The following KLRC1 variants were observed in gnomAD, a reference collection of about 807,000 sequenced individuals.
KLRC1 encodes NKG2-A/NKG2-B type II integral membrane protein.
A neutral mutation model predicts 25.9 loss-of-function variants in KLRC1; 22 were observed. That is an observed-to-expected ratio of 0.85 (90% CI 0.61 to 1.21). The LOEUF is 1.21. Ranked by LOEUF, KLRC1 falls within the 50% of genes most tolerant of loss-of-function variation. KLRC1 has a pLI of 0.00. For missense variants in KLRC1, 240 were observed against 272.2 expected (o/e 0.88, Z 0.83); for synonymous variants, 77 against 93.1 (o/e 0.83, Z 0.99).
In KLRC1 at chr12:10,446,365, C is replaced by T; in HGVS notation, c.*186G>A. 19 of 1,361,888 alleles carry T rather than the reference C, an allele frequency of 1.4e-5. No homozygotes were observed. Among genetic ancestry groups the T allele is most frequent in the Non-Finnish European group, 1.8e-5 (19 of 1,052,310 alleles). The allele number at this position is 1,361,888 out of a possible 1,614,324, so 84.4% of individuals were successfully genotyped here. On this transcript the variant is annotated 3_prime_UTR_variant, in exon 7 of 7. Coordinates refer to ENST00000359151, the MANE Select transcript of KLRC1 (RefSeq NM_002259.5). Reference sequence around the variant, plus strand: ...CAAATACCATGTTGAGCAAAATGAGCCCGACACAAATGCTAGGATGTCTGT... The same window carrying T: ...CAAATACCATGTTGAGCAAAATGAGTCCGACACAAATGCTAGGATGTCTGT...
rs1450350998 is a variant in KLRC1, at chr12:10,447,643, A to C, written c.490-11T>G. ...GATGGACAGAAATTTCTAAAAGAAA[A>C]GAAAGAATTTTCACTTAAATAATAA... On this transcript the variant is annotated splice_polypyrimidine_tract_variant and intron_variant, in intron 5 of 6. Transcript: ENST00000359151. The C allele has an allele frequency of 1.3e-6, 2 of 1,575,826 alleles. No individual in the cohort carries two copies. The highest frequency in any genetic ancestry group is 1.8e-5 in the Admixed American group (1 of 56,234).
At chr12:10,449,153 A>T (rs1164468469) in intron 5 of KLRC1, 84 bp downstream of exon 5, 1 of 1,542,496 alleles carries the variant, frequency 6.5e-7, no homozygotes, top group Non-Finnish European at 8.9e-7. Context: ...AAATGTATAT[A>T]CCCACACATA....
At chr12:10,448,130 G>A (rs1237623371) in intron 5 of KLRC1, among the ~76,000 whole-genome samples, 2 of 148,320 alleles carry the variant, frequency 1.3e-5, no homozygotes, top group South Asian at 2.2e-4. Context: ...GTGTAGACTC[G>A]TCTCTCTCTG....
downstream of KLRC1, among the ~76,000 whole-genome samples, chr12:10,445,221 A>G (rs1863961709): frequency 6.6e-6 from 1 of 152,056 alleles, no homozygotes; most frequent in African/African-American, 2.4e-5. Flanking sequence ...CCCGGCCAGC[A>G]CTGATATTTT....
In KLRC1 at chr12:10,453,166, C is replaced by T. The variant is rs1164208269; in HGVS notation, c.-32+32G>A. 3.2e-6 allele frequency: 3 copies of T among 943,396 alleles called. No homozygotes were observed. In the East Asian group the frequency reaches 3.5e-4, roughly 110 times the overall value. The allele number at this position is 943,396 out of a possible 1,614,324, so 58.4% of individuals were successfully genotyped here. ...GAAATCACCCACTAAATGAGGTAGG[C>T]TAGTAGAGAGTTGGAGAGTAGCAAT... On this transcript the variant is annotated intron_variant, in intron 1 of 6. Coordinates refer to ENST00000359151, the MANE Select transcript of KLRC1 (RefSeq NM_002259.5).
chr12:10,443,373 G>A (rs1374720801), downstream of KLRC1, among the ~76,000 whole-genome samples: 2 of 140,080 alleles, frequency 1.4e-5, 1 homozygote, highest in East Asian at 4.2e-4. Flanking sequence ...TCACAAACTG[G>A]TAGAACACTA....
chr12:10,442,415 A>C (rs1193047106), downstream of KLRC1: 1 of 252,670 alleles, frequency 4.0e-6, no homozygotes, highest in African/African-American at 3.7e-5. Flanking sequence ...TATAATTAAT[A>C]CCTGTGCTTA....
rs547550954 is a variant in KLRC1, at chr12:10,450,834, A to G, written c.187+136T>C. 135 of 714,566 alleles carry G rather than the reference A, an allele frequency of 1.9e-4. 1 individual carries two copies. In the African/African-American group the frequency reaches 2.3e-3, roughly 12 times the overall value. 44.3% of individuals were successfully genotyped at this position (714,566 alleles called of 1,614,324 possible). On this transcript the variant is annotated intron_variant, in intron 2 of 6. Transcript: ENST00000359151. Reference sequence around the variant, plus strand: ...AATCAGTCTTCATACTTTACATTGAAATAGCATATCTCAACTTGGAATTCT... The same window carrying G: ...AATCAGTCTTCATACTTTACATTGAGATAGCATATCTCAACTTGGAATTCT...
chr12:10,447,909 T>C (rs1344415166), intron 5 of KLRC1, among the ~76,000 whole-genome samples: 1 of 152,212 alleles, frequency 6.6e-6, no homozygotes, highest in Non-Finnish European at 1.5e-5. Flanking sequence ...CATTCATTCC[T>C]CCAGATACTG....
rs1864119018 is a variant in KLRC1, at chr12:10,451,166, G to A, written c.-10C>T. Reference sequence around the variant, plus strand: ...CTCCTTGGTTATCCATCTCTGCAGTGTGTGATGTCAGGGACTGTACTCTAT... The same window carrying A: ...CTCCTTGGTTATCCATCTCTGCAGTATGTGATGTCAGGGACTGTACTCTAT... On this transcript the variant is annotated 5_prime_UTR_variant, in exon 2 of 7. Coordinates refer to ENST00000359151, the MANE Select transcript of KLRC1 (RefSeq NM_002259.5). The A allele has an allele frequency of 6.8e-6, 11 of 1,608,004 alleles. No homozygotes were observed. The highest frequency in any genetic ancestry group is 9.3e-6 in the Non-Finnish European group (11 of 1,177,262).
chr12:10,446,421 T>A lies in KLRC1; in HGVS notation c.*130A>T. ...AGTAATTGTGTGTATCCTGTTTCAA[T>A]AATTGATTTAGAATTTTCTTATTAG... On this transcript the variant is annotated 3_prime_UTR_variant, in exon 7 of 7. Transcript: ENST00000359151. 7.0e-7 allele frequency: 1 copy of A among 1,437,826 alleles called. No homozygotes were observed. Among genetic ancestry groups the A allele is most frequent in the Non-Finnish European group, 9.1e-7 (1 of 1,093,872 alleles). The allele number at this position is 1,437,826 out of a possible 1,614,324, so 89.1% of individuals were successfully genotyped here.
At chr12:10,443,206 T>G (rs564838845), downstream of KLRC1, among the ~76,000 whole-genome samples, 60 of 141,450 alleles carry the variant, frequency 4.2e-4, 9 homozygotes, top group Non-Finnish European at 7.7e-4. Context: ...GAAACACCAT[T>G]TTTACATGAT....
Position 10,446,107 on chromosome 12 carries a change from C to T in KLRC1, c.*444G>A, listed in dbSNP as rs1591611711. 1.2e-5 allele frequency: 1 copy of T among 85,910 alleles called. No homozygotes were observed. The highest frequency in any genetic ancestry group is 9.1e-5 in the Admixed American group (1 of 10,976). The allele number at this position is 85,910 out of a possible 1,614,324, so 5.3% of individuals were successfully genotyped here. On this transcript the variant is annotated 3_prime_UTR_variant, in exon 7 of 7. Coordinates refer to ENST00000359151, the MANE Select transcript of KLRC1 (RefSeq NM_002259.5). ...TCATGCACTTAAAATGATTAAAAAT[C>T]AATGATGTTTAGTATATTCGCAGAG... is the stretch of plus-strand genomic sequence containing the variant.
upstream of KLRC1, chr12:10,453,384 T>C (rs747463765): frequency 7.8e-5 from 77 of 985,000 alleles, no homozygotes; most frequent in Non-Finnish European, 8.4e-5. Flanking sequence ...GTGGAAAAAG[T>C]AGATTTCTCA....
At position 10,453,298 on chromosome 12, in the gene KLRC1, C is replaced by T. The variant is rs1480456915; in HGVS notation, c.-132G>A. Reference sequence around the variant, plus strand: ...TGTAATAAAAGGTGAAATTTAAAGGCATAAATCCAAGACAAGAACAAACAA... The same window carrying T: ...TGTAATAAAAGGTGAAATTTAAAGGTATAAATCCAAGACAAGAACAAACAA... On this transcript the variant is annotated 5_prime_UTR_variant, in exon 1 of 7. It removes an upstream start codon present in the reference 5' UTR. Coordinates refer to ENST00000359151, the MANE Select transcript of KLRC1 (RefSeq NM_002259.5). 3 of 985,156 alleles carry T rather than the reference C, an allele frequency of 3.0e-6. No individual in the cohort carries two copies. The East Asian group carries it at 3.4e-4, about 112-fold the overall frequency. 61.0% of individuals were successfully genotyped at this position (985,156 alleles called of 1,614,324 possible). A position where few individuals can be genotyped will look rare whatever the true frequency, so the allele number is the denominator to read the frequency against.
chr12:10,453,084 T>C (rs997198243), intron 1 of KLRC1, 114 bp downstream of exon 1: 5 of 306,968 alleles, frequency 1.6e-5, no homozygotes, highest in African/African-American at 1.1e-4. Flanking sequence ...ACAGCAATAT[T>C]CTACTTTGAT....
rs199565801 is a variant in KLRC1, at chr12:10,447,588, A to C, written c.534T>G (p.Phe178Leu). ...CCCATGGATGATGACTGCTGTTACG[A>C]AACACACCAATCCATGAGGATGGTG... ...IISPSSWIGV[F>L]RNSSHHPWVT... Residue 178 changes from phenylalanine to leucine, a missense_variant, in exon 6 of 7, where the codon TTT becomes TTG. Physicochemically the swap from Phe to Leu is conservative, Grantham distance 22. Transcript: ENST00000359151. The C allele has an allele frequency of 4.3e-6, 7 of 1,609,858 alleles. No homozygotes were observed. The African/African-American group carries it at 9.4e-5, about 22-fold the overall frequency.
chr12:10,449,473 C>G (rs970287510), intron 4 of KLRC1, 85 bp from the exon 5 acceptor site: 3 of 1,555,192 alleles, frequency 1.9e-6, no homozygotes, highest in Non-Finnish European at 2.6e-6. Flanking sequence ...ACATATAAAC[C>G]TATACGTATG....
At chr12:10,451,289 GCATTAAATA>G (rs1258881315) in intron 1 of KLRC1, 102 bp from the exon 2 acceptor site, 18 of 540,944 alleles carry the variant, frequency 3.3e-5, no homozygotes, top group Non-Finnish European at 5.2e-5. Context: ...AGCTCATTTT[GCATTAAATA>G]ATCTAAAGTT....
Sources: gnomAD v4.1 joint callset for allele counts (sites outside exome capture counted in the v4.1 genomes callset) on GRCh38, gnomAD v4.1.1 for gene constraint, MANE v1.5 for transcripts, NCBI Gene and HGNC (gene_info 2026-07-23, HGNC 2026-07-21) for gene names.